The following IGSF21 variants were observed in gnomAD, a reference collection of about 807,000 sequenced individuals.
IGSF21 encodes the protein immunoglobin superfamily member 21, also known as immunoglobulin superfamily member 21.
A neutral mutation model predicts 46.8 loss-of-function variants in IGSF21; 28 were observed. The observed-to-expected ratio is 0.60, with a 90% CI of 0.44 to 0.82. The LOEUF is 0.82. Among genes scored for constraint, IGSF21 ranks in the 40% least tolerant of loss-of-function variants. IGSF21 has a pLI of 0.00. For synonymous variants in IGSF21, 284 were observed against 273.6 expected (o/e 1.04, Z -0.38); for missense variants, 624 against 665.5 (o/e 0.94, Z 0.69).
intron 1 of IGSF21, among the ~76,000 whole-genome samples, chr1:18,215,914 A>T (rs377576991): frequency 6.6e-6 from 1 of 152,124 alleles, no homozygotes; most frequent in Non-Finnish European, 1.5e-5. Flanking sequence ...GTCTTGGTTC[A>T]TTCATTACTT....
chr1:18,334,851 C>G lies in IGSF21; in HGVS notation c.306-41C>G, dbSNP rs949975006. 6.1e-6 allele frequency: 9 copies of G among 1,480,500 alleles called. No homozygotes were observed. The highest frequency in any genetic ancestry group is 8.5e-6 in the Non-Finnish European group (9 of 1,059,436). The allele number at this position is 1,480,500 out of a possible 1,614,324, so 91.7% of individuals were successfully genotyped here. A position where few individuals can be genotyped will look rare whatever the true frequency, so the allele number is the denominator to read the frequency against. ...TCCTTGAACGCTGCCTCACCCAGCC[C>G]CACGATGAAGGGCCCTCACCCTGTC... On this transcript the variant is annotated intron_variant, in intron 3 of 9. Transcript: ENST00000251296. This position sits in a 1 kb window ranked among gnomAD's most constrained non-coding sequence, Gnocchi z 4.3.
intron 1 of IGSF21, among the ~76,000 whole-genome samples, chr1:18,180,069 C>A (rs146456185): frequency 1.3e-5 from 2 of 152,148 alleles, no homozygotes; most frequent in African/African-American, 2.4e-5. Context: ...GCTTTTGGAT[C>A]GAAATAGCCC....
intron 2 of IGSF21, among the ~76,000 whole-genome samples, chr1:18,271,107 C>T (rs536715067): frequency 1.3e-5 from 2 of 152,256 alleles, no homozygotes; most frequent in African/African-American, 2.4e-5. Flanking sequence ...GCTCGCAGAG[C>T]TATGGGCAGA....
intron 2 of IGSF21, among the ~76,000 whole-genome samples, chr1:18,282,882 C>G (rs1374960199): frequency 6.6e-6 from 1 of 152,208 alleles, no homozygotes; most frequent in Non-Finnish European, 1.5e-5. Context: ...CTCATTATTA[C>G]TTTGCCTTTC....
Position 18,324,067 on chromosome 1 carries a change from G to A in IGSF21, c.306-10825G>A, listed in dbSNP as rs543900198. Among the ~76,000 whole-genome samples the A allele has an allele frequency of 2.6e-5, 4 of 152,156 alleles. No individual in the cohort carries two copies. In the East Asian group the frequency reaches 5.8e-4, roughly 22 times the overall value. On this transcript the variant is annotated intron_variant, in intron 3 of 9. Coordinates refer to ENST00000251296, the MANE Select transcript of IGSF21 (RefSeq NM_032880.5). The stretch of plus-strand genomic sequence containing the variant: ...CACTCCCAGGCTGTACAACCTGGGA[G>A]ACCTTCCATCTGTGCTGAGTGTTCT...
chr1:18,205,472 C>G (rs2084308914), intron 1 of IGSF21, among the ~76,000 whole-genome samples: 1 of 152,072 alleles, frequency 6.6e-6, no homozygotes, highest in African/African-American at 2.4e-5. Flanking sequence ...TTCCTTGACT[C>G]CCTCTTATCT....
chr1:18,169,146 T>A (rs1323282965), intron 1 of IGSF21, among the ~76,000 whole-genome samples: 2 of 152,198 alleles, frequency 1.3e-5, no homozygotes, highest in Non-Finnish European at 2.9e-5. Flanking sequence ...GTTTACTCCC[T>A]CAGAGAAAGG....
chr1:18,144,387 C>T (rs1289968129), intron 1 of IGSF21, among the ~76,000 whole-genome samples: 1 of 152,190 alleles, frequency 6.6e-6, no homozygotes, highest in Non-Finnish European at 1.5e-5. Flanking sequence ...CAGGTCCCAC[C>T]CAGAGGTAGG....
At chr1:18,205,974 T>G (rs1557587057) in intron 1 of IGSF21, among the ~76,000 whole-genome samples, 1 of 152,250 alleles carries the variant, frequency 6.6e-6, no homozygotes, top group Non-Finnish European at 1.5e-5. Context: ...CAACAATTCC[T>G]GGATACTGTT....
chr1:18,216,246 T>C (rs896140209), intron 1 of IGSF21, among the ~76,000 whole-genome samples: 3 of 151,662 alleles, frequency 2.0e-5, no homozygotes, highest in African/African-American at 7.3e-5. Context: ...GAAAAATAAT[T>C]GGAGGGGTTT....
At chr1:18,202,261 C>T (rs2087082943) in intron 1 of IGSF21, among the ~76,000 whole-genome samples, 2 of 152,332 alleles carry the variant, frequency 1.3e-5, no homozygotes, top group Admixed American at 6.5e-5. Flanking sequence ...TGCAATCTCA[C>T]ATTCTCAGGG....
chr1:18,198,727 C>T (rs1257153030), intron 1 of IGSF21, among the ~76,000 whole-genome samples: 1 of 152,096 alleles, frequency 6.6e-6, no homozygotes, highest in Non-Finnish European at 1.5e-5. Context: ...CCACACTGGG[C>T]CCCAGGTGGA....
intron 1 of IGSF21, among the ~76,000 whole-genome samples, chr1:18,226,435 T>C (rs974698459): frequency 6.6e-6 from 1 of 152,202 alleles, no homozygotes; most frequent in African/African-American, 2.4e-5. Flanking sequence ...GGTTGGTCCT[T>C]CTGATCTTGG....
intron 1 of IGSF21, 125 bp downstream of exon 1, chr1:18,108,323 TC>T (rs1480093778): frequency 1.2e-5 from 13 of 1,041,372 alleles, no homozygotes; most frequent in Middle Eastern, 3.6e-4. Context: ...CTGCCCGGGG[TC>T]TGTGGAGCTG....
chr1:18,131,293 T>A (rs1446513732), intron 1 of IGSF21, among the ~76,000 whole-genome samples: 1 of 152,198 alleles, frequency 6.6e-6, no homozygotes, highest in Non-Finnish European at 1.5e-5. Context: ...ACCCAGAGGT[T>A]GATGAAGACA....
At chr1:18,172,767 A>T (rs1000297874) in intron 1 of IGSF21, among the ~76,000 whole-genome samples, 9 of 152,270 alleles carry the variant, frequency 5.9e-5, no homozygotes, top group Middle Eastern at 3.4e-3. Flanking sequence ...CCATATCACA[A>T]CTGCACACCC....
At chr1:18,181,386 C>T (rs998252653) in intron 1 of IGSF21, among the ~76,000 whole-genome samples, 5 of 152,186 alleles carry the variant, frequency 3.3e-5, no homozygotes, top group African/African-American at 9.7e-5. Flanking sequence ...CTGACCCAAA[C>T]GCTGTTTTGG....
At chr1:18,211,489 G>A (rs2084390672) in intron 1 of IGSF21, among the ~76,000 whole-genome samples, 1 of 152,190 alleles carries the variant, frequency 6.6e-6, no homozygotes, top group African/African-American at 2.4e-5. Flanking sequence ...GCCAAAGCAA[G>A]GTAATCCAGT....
intron 2 of IGSF21, among the ~76,000 whole-genome samples, chr1:18,264,769 A>G (rs2084975778): frequency 6.6e-6 from 1 of 152,180 alleles, no homozygotes; most frequent in Admixed American, 6.5e-5. Flanking sequence ...TCTGAGGACA[A>G]TTTACCTCCT....
Sources: gnomAD v4.1 joint callset for allele counts (sites outside exome capture counted in the v4.1 genomes callset) on GRCh38, gnomAD v4.1.1 for gene constraint, Gnocchi (gnomAD v3.1) non-coding constraint, MANE v1.5 for transcripts, NCBI Gene and HGNC (gene_info 2026-07-23, HGNC 2026-07-21) for gene names.